Variants in TMEM229B observed in about 807,000 individuals in gnomAD.
The protein encoded by TMEM229B is transmembrane protein 229B, also known as chromosome 14 open reading frame 83.
A neutral mutation model predicts 13.7 loss-of-function variants in TMEM229B; 6 were observed. The ratio of observed to expected loss-of-function variants is 0.44; its 90% CI spans 0.24 to 0.86. The LOEUF is 0.86. Among genes scored for constraint, TMEM229B ranks in the 40% least tolerant of loss-of-function variants. The pLI, the probability that TMEM229B is intolerant of heterozygous loss-of-function variation, is 0.23. For missense variants in TMEM229B, 170 were observed against 236.0 expected, an observed-to-expected ratio of 0.72 and a Z score of 1.83; for synonymous variants, 107 against 102.1, an observed-to-expected ratio of 1.05 and a Z score of -0.29.
chr14:67,489,831 G>T (rs1186449535), upstream of TMEM229B, among the ~76,000 whole-genome samples: 1 of 152,006 alleles, frequency 6.6e-6, no homozygotes, highest in Admixed American at 6.6e-5. Context: ...TCTACTAAAA[G>T]CACAAAAAAT....
chr14:67,521,811 C>T (rs1192958642), intron 1 of TMEM229B, among the ~76,000 whole-genome samples: 1 of 152,200 alleles, frequency 6.6e-6, no homozygotes. Context: ...ATTGAAACCA[C>T]ATCACCTCAT....
intron 1 of TMEM229B, among the ~76,000 whole-genome samples, chr14:67,511,591 A>G (rs1218608534): frequency 1.3e-5 from 2 of 152,216 alleles, no homozygotes; most frequent in African/African-American, 4.8e-5. Context: ...TGAATTGTCA[A>G]TGACTTTGGT....
At chr14:67,508,753 CAAA>C (rs757183130) in intron 1 of TMEM229B, among the ~76,000 whole-genome samples, 6 of 46,708 alleles carry the variant, frequency 1.3e-4, no homozygotes, top group African/African-American at 2.0e-4. Flanking sequence ...AACCTTGTCT[CAAA>C]AAAAAAAAAA....
Position 67,473,881 on chromosome 14 carries a change from G to A in TMEM229B, c.43C>T (p.Leu15=). 3 of 1,610,950 alleles carry A rather than the reference G, an allele frequency of 1.9e-6. No individual in the cohort carries two copies. In the East Asian group the frequency reaches 6.7e-5, roughly 36 times the overall value. Residue 15 remains leucine (L), a synonymous_variant, in exon 3 of 3, where the codon CTG becomes TTG. Coordinates refer to ENST00000554480, the MANE Select transcript of TMEM229B (RefSeq NM_001348543.2). The surrounding 1 kb of genome is among the most constrained non-coding windows in gnomAD (Gnocchi z 6.5). ...EPLTALSRWY[L]YAIHGYFCEV... is the part of the protein sequence containing the mutation. ...CAGAAGTAGCCGTGGATGGCATACAGGTACCAGCGGGACAGCGCCGTCAGG... is the reference window on the plus strand; with the variant it reads ...CAGAAGTAGCCGTGGATGGCATACAAGTACCAGCGGGACAGCGCCGTCAGG...
chr14:67,518,241 G>T (rs937800936), upstream of TMEM229B, among the ~76,000 whole-genome samples: 2 of 152,156 alleles, frequency 1.3e-5, no homozygotes, highest in Non-Finnish European at 2.9e-5. Context: ...TATGGGCCAG[G>T]AACAGACAGG....
chr14:67,504,653 G>A (rs976654800), intron 1 of TMEM229B, among the ~76,000 whole-genome samples: 6 of 152,172 alleles, frequency 3.9e-5, no homozygotes, highest in Non-Finnish European at 7.3e-5. Flanking sequence ...TTGGGAGGCC[G>A]AGGTGGGTGG....
intron 1 of TMEM229B, among the ~76,000 whole-genome samples, chr14:67,508,664 T>A (rs191506422): frequency 1.6e-4 from 24 of 147,460 alleles, no homozygotes; most frequent in Admixed American, 5.0e-4. Flanking sequence ...GAGGATCCCT[T>A]GAGCCCAGGA....
intron 1 of TMEM229B, among the ~76,000 whole-genome samples, chr14:67,502,834 T>G (rs2032666323): frequency 6.6e-6 from 1 of 152,128 alleles, no homozygotes. Context: ...CCAACCAACT[T>G]TATTAAATAC....
intron 2 of TMEM229B, among the ~76,000 whole-genome samples, chr14:67,474,177 G>T (rs1267061071): frequency 6.6e-6 from 1 of 151,904 alleles, no homozygotes; most frequent in African/African-American, 2.4e-5. Context: ...GCTTGAACCC[G>T]CAAGGCAGAG....
chr14:67,496,124 AGCT>A (rs2032354237), intron 1 of TMEM229B, among the ~76,000 whole-genome samples: 1 of 152,248 alleles, frequency 6.6e-6, no homozygotes, highest in Non-Finnish European at 1.5e-5. Flanking sequence ...AGGAGGGCAA[AGCT>A]GCAGTGAGCT....
upstream of TMEM229B, among the ~76,000 whole-genome samples, chr14:67,489,746 A>T (rs1000190515): frequency 1.1e-4 from 16 of 152,064 alleles, no homozygotes; most frequent in South Asian, 2.1e-3. Context: ...ATCCCAGCAC[A>T]TTGGGAGGCC....
chr14:67,497,079 A>G (rs186467810), intron 1 of TMEM229B, among the ~76,000 whole-genome samples: 1,965 of 151,232 alleles, frequency 0.013, 21 homozygotes, highest in Non-Finnish European at 0.021. Flanking sequence ...GGCCTGAGCC[A>G]CCGTGCCTTT....
upstream of TMEM229B, among the ~76,000 whole-genome samples, chr14:67,519,446 C>T (rs1263997736): frequency 6.6e-6 from 1 of 152,216 alleles, no homozygotes; most frequent in Non-Finnish European, 1.5e-5. Flanking sequence ...ATCTTTTCAT[C>T]ACTTCTGCTC....
At chr14:67,496,954 C>T (rs1199695065) in intron 1 of TMEM229B, among the ~76,000 whole-genome samples, 1 of 151,996 alleles carries the variant, frequency 6.6e-6, no homozygotes. Flanking sequence ...CCCGCCACCA[C>T]ACCTGGCTAA....
upstream of TMEM229B, among the ~76,000 whole-genome samples, chr14:67,518,857 G>C (rs1012480208): frequency 6.6e-6 from 1 of 152,176 alleles, no homozygotes; most frequent in Non-Finnish European, 1.5e-5. Flanking sequence ...CCTGCAGCCC[G>C]ATCAGAAAGG....
At chr14:67,489,120 A>G (rs895447311), upstream of TMEM229B, among the ~76,000 whole-genome samples, 2 of 152,184 alleles carry the variant, frequency 1.3e-5, no homozygotes, top group Admixed American at 1.3e-4. Context: ...AGCAACTAAC[A>G]TATGGATGGA....
At chr14:67,516,746 T>C (rs748371212), upstream of TMEM229B, among the ~76,000 whole-genome samples, 1 of 152,238 alleles carries the variant, frequency 6.6e-6, no homozygotes, top group Non-Finnish European at 1.5e-5. Context: ...AAGGAATTTC[T>C]AAGCCCATCC....
At chr14:67,503,466 AG>A (rs1414170504) in intron 1 of TMEM229B, 1 of 152,224 alleles carries the variant, frequency 6.6e-6, no homozygotes, top group Non-Finnish European at 1.5e-5. Context: ...CTTGAATGAC[AG>A]GGCAAAGGAC....
At chr14:67,508,837 G>A (rs552964757) in intron 1 of TMEM229B, among the ~76,000 whole-genome samples, 1 of 150,126 alleles carries the variant, frequency 6.7e-6, no homozygotes, top group East Asian at 2.0e-4. Flanking sequence ...GGTCACCTTT[G>A]AATGGAGAAA....
Sources: allele counts gnomAD v4.1 joint callset (sites outside exome capture counted in the v4.1 genomes callset), GRCh38; gene constraint gnomAD v4.1.1; non-coding constraint Gnocchi (gnomAD v3.1); transcripts MANE v1.5; gene names NCBI Gene and HGNC (gene_info 2026-07-23, HGNC 2026-07-21).